Variants in ANO2 observed in about 807,000 individuals in gnomAD.
ANO2 encodes anoctamin 2.
In ANO2, 101 loss-of-function variants were observed where a neutral mutation model predicts 124.2. The ratio of observed to expected loss-of-function variants is 0.81; its 90% CI spans 0.69 to 0.96. The LOEUF is 0.96. Among genes scored for constraint, ANO2 ranks in the 40% least tolerant of loss-of-function variants. The pLI, the probability that ANO2 is intolerant of heterozygous loss-of-function variation, is 0.00. For missense variants in ANO2, 1,293 were observed against 1,274.5 expected, an observed-to-expected ratio of 1.01 and a Z score of -0.22; for synonymous variants, 486 against 482.5, an observed-to-expected ratio of 1.01 and a Z score of -0.09.
rs539092061 is a variant in ANO2, at chr12:5,668,395, G to GT, written c.1546-20595dup. Among the ~76,000 whole-genome samples the GT allele has an allele frequency of 7.6e-4, 114 of 149,162 alleles. 1 individual carries two copies. Among genetic ancestry groups the GT allele is most frequent in the East Asian group, 4.9e-3 (25 of 5,102 alleles). On this transcript the variant is annotated intron_variant, in intron 14 of 24. Transcript: ENST00000682330. ...TCCTGTCCTCTCCCCACTTTTTAATGTTTTTTTTTTCTTATAAACTTGTTT... is the reference window on the plus strand; with the variant it reads ...TCCTGTCCTCTCCCCACTTTTTAATGTTTTTTTTTTTCTTATAAACTTGTTT...
chr12:5,814,441 G>C (rs566756257), intron 7 of ANO2, among the ~76,000 whole-genome samples: 2 of 152,308 alleles, frequency 1.3e-5, no homozygotes, highest in African/African-American at 4.8e-5. Context: ...CTTGCTCCCT[G>C]TTTTCCTCAA....
chr12:5,896,941 A>AAAT (rs1939831795), intron 3 of ANO2, among the ~76,000 whole-genome samples: 1 of 152,222 alleles, frequency 6.6e-6, no homozygotes, highest in South Asian at 2.1e-4. Flanking sequence ...TTGGAAATAT[A>AAAT]AATTTTGGAG....
At chr12:5,844,927 G>A (rs1954634800) in intron 4 of ANO2, among the ~76,000 whole-genome samples, 1 of 146,240 alleles carries the variant, frequency 6.8e-6, no homozygotes, top group Non-Finnish European at 1.5e-5. Flanking sequence ...AATCATTAGT[G>A]TTTTCTGAAT....
chr12:5,658,930 T>C lies in ANO2; in HGVS notation c.1546-11129A>G, dbSNP rs1386121171. ...AGCAACAGCAGCATCATCATCATCA[T>C]TGCTTTATCCACCAGGGACCCTGTG... On this transcript the variant is annotated intron_variant, in intron 14 of 24. Coordinates refer to ENST00000682330, the MANE Select transcript of ANO2 (RefSeq NM_001364791.2). The surrounding 1 kb of genome is among the most constrained non-coding windows in gnomAD (Gnocchi z 4.3). 6.6e-6 allele frequency among the ~76,000 whole-genome samples: 1 copy of C among 152,188 alleles called. No individual in the cohort carries two copies. Among genetic ancestry groups the C allele is most frequent in the South Asian group, 2.1e-4 (1 of 4,828 alleles).
rs1166729930 is a variant in ANO2, at chr12:5,659,733, C to T, written c.1546-11932G>A. ...CACTTGCTCTGCTCTTTCTGGCTCC[C>T]CAGAGAGCTTGCAGCTCCACTTTCT... On this transcript the variant is annotated intron_variant, in intron 14 of 24. Coordinates refer to ENST00000682330, the MANE Select transcript of ANO2 (RefSeq NM_001364791.2). Among the ~76,000 whole-genome samples, 3 of 152,220 alleles carry T rather than the reference C, an allele frequency of 2.0e-5. No individual in the cohort carries two copies. The East Asian group carries it at 5.8e-4, about 29-fold the overall frequency.
intron 3 of ANO2, among the ~76,000 whole-genome samples, chr12:5,894,218 T>G (rs900801965): frequency 2.0e-5 from 3 of 152,258 alleles, no homozygotes; most frequent in East Asian, 1.9e-4. Flanking sequence ...GTGGTTTTCA[T>G]TTGCATTTCT....
At chr12:5,619,580 G>A (rs367713845) in intron 16 of ANO2, among the ~76,000 whole-genome samples, 155 of 152,254 alleles carry the variant, frequency 1.0e-3, no homozygotes, top group African/African-American at 3.6e-3. Flanking sequence ...CATGAGTGGA[G>A]GTGGCGTATG....
chr12:5,699,744 G>T (rs966610766), intron 14 of ANO2, among the ~76,000 whole-genome samples: 2 of 152,058 alleles, frequency 1.3e-5, no homozygotes, highest in Non-Finnish European at 2.9e-5. Flanking sequence ...GATGGAGGAA[G>T]ATCTACCAAG....
chr12:5,882,495 G>C (rs1938571383), intron 3 of ANO2, among the ~76,000 whole-genome samples: 2 of 152,222 alleles, frequency 1.3e-5, no homozygotes, highest in African/African-American at 2.4e-5. Flanking sequence ...CACAGGCATA[G>C]AGTAGGGACA....
intron 3 of ANO2, among the ~76,000 whole-genome samples, chr12:5,899,495 T>C (rs1249272678): frequency 6.6e-6 from 1 of 152,186 alleles, no homozygotes; most frequent in African/African-American, 2.4e-5. Context: ...TCCGCAAGCC[T>C]CTGTTTCTGT....
chr12:5,921,000 C>T (rs774895114), intron 3 of ANO2, 40 bp downstream of exon 3: 29 of 1,572,036 alleles, frequency 1.8e-5, no homozygotes, highest in Non-Finnish European at 2.3e-5. Context: ...TTCTGTGGTG[C>T]CATTCCATCT....
intron 3 of ANO2, among the ~76,000 whole-genome samples, chr12:5,869,423 C>T (rs1328119651): frequency 2.6e-5 from 4 of 152,186 alleles, no homozygotes; most frequent in Non-Finnish European, 4.4e-5. Flanking sequence ...CTCCTTCCTG[C>T]ATCCAACTCA....
chr12:5,601,109 C>A (rs1020778526), intron 19 of ANO2, among the ~76,000 whole-genome samples: 13 of 152,092 alleles, frequency 8.5e-5, no homozygotes, highest in African/African-American at 3.1e-4. Flanking sequence ...TGTCCATGGG[C>A]AAGTTATTAC....
chr12:5,806,650 C>T (rs746424666), intron 8 of ANO2, among the ~76,000 whole-genome samples: 1 of 152,218 alleles, frequency 6.6e-6, no homozygotes, highest in Non-Finnish European at 1.5e-5. Flanking sequence ...TTCTCGTAAA[C>T]TGTCTTGAAG....
rs929104074 is a variant in ANO2, at chr12:5,732,631, C to T, written c.1435-1G>A. The T allele has an allele frequency of 1.9e-6, 3 of 1,612,440 alleles. No individual in the cohort carries two copies. The highest frequency in any genetic ancestry group is 1.7e-4 in the Middle Eastern group (1 of 6,052). On this transcript the variant is annotated splice_acceptor_variant, in intron 13 of 24. Transcript: ENST00000682330. LOFTEE classifies it high-confidence loss of function. ...TTTCATACTCAGGCCTGGAATGTTC[C>T]TAAACCAAAGAGCAGTGAGTGGTTA...
intron 3 of ANO2, chr12:5,870,211 A>G (rs927500339): frequency 1.3e-5 from 2 of 152,112 alleles, no homozygotes; most frequent in Non-Finnish European, 2.9e-5. Context: ...GGTTCATTAC[A>G]CCCCAAGCCA....
chr12:5,924,628 C>T (rs964698075), intron 1 of ANO2, among the ~76,000 whole-genome samples: 1 of 152,174 alleles, frequency 6.6e-6, no homozygotes, highest in African/African-American at 2.4e-5. Context: ...GCTGCCTTTC[C>T]TTTTGTTCCT....
At chr12:5,670,557 TG>T (rs1947946891) in intron 14 of ANO2, among the ~76,000 whole-genome samples, 1 of 152,166 alleles carries the variant, frequency 6.6e-6, no homozygotes, top group Admixed American at 6.5e-5. Flanking sequence ...ATTTTAGAGA[TG>T]GGGTCTCACT....
chr12:5,698,667 G>A (rs1014948600), intron 14 of ANO2, among the ~76,000 whole-genome samples: 7 of 152,176 alleles, frequency 4.6e-5, no homozygotes, highest in Non-Finnish European at 8.8e-5. Flanking sequence ...GAGGATGTTC[G>A]AACCCGTCGC....
Sources: gnomAD v4.1 joint callset for allele counts (sites outside exome capture counted in the v4.1 genomes callset) on GRCh38, gnomAD v4.1.1 for gene constraint, Gnocchi (gnomAD v3.1) non-coding constraint, MANE v1.5 for transcripts, NCBI Gene and HGNC (gene_info 2026-07-23, HGNC 2026-07-21) for gene names.